The following TCHP variants were observed in gnomAD, a reference collection of about 807,000 sequenced individuals.
The protein encoded by TCHP is trichoplein keratin filament binding.
Under a neutral mutation model 88.7 loss-of-function variants are expected in TCHP, and 81 were observed. That is an observed-to-expected ratio of 0.91 (90% CI 0.76 to 1.10). The LOEUF is 1.10. Among genes scored for constraint, TCHP ranks in the 50% least tolerant of loss-of-function variants. The pLI, the probability that TCHP is intolerant of heterozygous loss-of-function variation, is 0.00. For missense variants in TCHP, 641 were observed against 632.1 expected (o/e 1.01, Z -0.15); for synonymous variants, 232 against 232.5 (o/e 1.00, Z 0.02).
intron 10 of TCHP, among the ~76,000 whole-genome samples, chr12:109,913,580 G>A (rs962792790): frequency 6.6e-6 from 1 of 152,166 alleles, no homozygotes; most frequent in East Asian, 1.9e-4. Flanking sequence ...TTCCCCCCTC[G>A]GGGTAGATGA....
At position 109,909,952 on chromosome 12, in the gene TCHP, C is replaced by T. The variant is rs144616130; in HGVS notation, c.879+1015C>T. On this transcript the variant is annotated intron_variant, in intron 8 of 12. Coordinates refer to ENST00000405876, the MANE Select transcript of TCHP (RefSeq NM_001143852.2). ...TGCACTCAAGCCTGGGGGACAAGAG[C>T]GAGACTTCTCTCAAAACAAGAACAA... Among the ~76,000 whole-genome samples, 98 of 151,802 alleles carry T rather than the reference C, an allele frequency of 6.5e-4. 1 individual carries two copies. The East Asian group carries it at 0.018, about 28-fold the overall frequency.
chr12:109,906,608 T>A lies in TCHP; in HGVS notation c.493T>A (p.Ser165Thr). Residue 165 changes from serine (S) to threonine (T), a missense_variant, in exon 5 of 13, where the codon TCT becomes ACT. By Grantham distance (58) the Ser-to-Thr change is moderately conservative. Coordinates refer to ENST00000405876, the MANE Select transcript of TCHP (RefSeq NM_001143852.2). Reference sequence around the variant, plus strand: ...CCTTCACCAGAAGCATGTCGTAAACTCTTGGGAAATGCAGAAAGAAGAAAA... The same window carrying A: ...CCTTCACCAGAAGCATGTCGTAAACACTTGGGAAATGCAGAAAGAAGAAAA... ...LDLHQKHVVN[S>T]WEMQKEEKKQ... 1 of 1,611,694 alleles carries A rather than the reference T, an allele frequency of 6.2e-7. No homozygotes were observed. Among genetic ancestry groups the A allele is most frequent in the Non-Finnish European group, 8.5e-7 (1 of 1,179,910 alleles).
chr12:109,886,063 A>G, the TCHP span, among the ~76,000 whole-genome samples: 1 of 152,092 alleles, frequency 6.6e-6, no homozygotes, highest in African/African-American at 2.4e-5. Flanking sequence ...ATATCTCATC[A>G]CTCATAAAAC....
rs555913577 is a variant in TCHP, at chr12:109,908,738, G to T, written c.812+40G>T. The T allele has an allele frequency of 2.2e-4, 338 of 1,566,866 alleles. No individual in the cohort carries two copies. The South Asian group carries it at 3.5e-3, about 16-fold the overall frequency. ...GGCCCCCCACTCTTCCCAGGCGGGT[G>T]GGCCTCTTGCTTTTTCAGACTTGCA... On this transcript the variant is annotated intron_variant, in intron 7 of 12. Coordinates refer to ENST00000405876, the MANE Select transcript of TCHP (RefSeq NM_001143852.2).
chr12:109,912,901 G>A (rs1870585697), intron 9 of TCHP, 90 bp from the exon 10 acceptor site: 1 of 997,528 alleles, frequency 1.0e-6, no homozygotes, highest in South Asian at 1.3e-5. Context: ...TCCTGCAGAA[G>A]CCATGTGCCC....
chr12:109,901,524 A>G (rs1399537323), intron 1 of TCHP, among the ~76,000 whole-genome samples: 4 of 152,188 alleles, frequency 2.6e-5, no homozygotes, highest in East Asian at 3.8e-4. Context: ...AAAGAGTCCA[A>G]TTAACTGATA....
In TCHP at chr12:109,904,726, T is replaced by G. The variant is rs767430453; in HGVS notation, c.400-11T>G. On this transcript the variant is annotated splice_polypyrimidine_tract_variant and intron_variant, in intron 3 of 12. Transcript: ENST00000405876. ...TGACATCAGGCTTTCCATTTTGTGT[T>G]TTCTTGATAGATTGCTGAACAACTT... The G allele has an allele frequency of 1.9e-6, 3 of 1,609,338 alleles. No individual in the cohort carries two copies. In the Admixed American group the frequency reaches 5.1e-5, roughly 27 times the overall value.
Position 109,903,083 on chromosome 12 carries a change from G to A in TCHP, c.57G>A (p.Gln19=), listed in dbSNP as rs1436537926. Residue 19 remains glutamine, a synonymous_variant, in exon 2 of 13, where the codon CAG becomes CAA. Transcript: ENST00000405876. This position sits in a 1 kb window ranked among gnomAD's most constrained non-coding sequence, Gnocchi z 4.6. ...YWCSQQRLNQ[Q]LARQREQEAR... Reference sequence around the variant, plus strand: ...GCAGCCAGCAGCGCCTGAATCAGCAGCTAGCACGACAGCGAGAGCAGGAGG... The same window carrying A: ...GCAGCCAGCAGCGCCTGAATCAGCAACTAGCACGACAGCGAGAGCAGGAGG... 2 of 1,613,872 alleles carry A rather than the reference G, an allele frequency of 1.2e-6. No homozygotes were observed. Among genetic ancestry groups the A allele is most frequent in the East Asian group, 4.5e-5 (2 of 44,880 alleles).
At chr12:109,896,379 T>C (rs1433753729), upstream of TCHP, among the ~76,000 whole-genome samples, 3 of 151,992 alleles carry the variant, frequency 2.0e-5, no homozygotes, top group East Asian at 1.9e-4. Flanking sequence ...CTCAAGAGAG[T>C]TGATTCACCT....
chr12:109,913,032 G>T lies in TCHP; in HGVS notation c.1094G>T (p.Trp365Leu). ...ATGTGGGAAAAGAGAGAGGCAGAGT[G>T]GGCCCGAGAGCGCAGCGCACGGGAC... ...KEMWEKREAE[W>L]ARERSARDRL... Residue 365 changes from tryptophan to leucine, a missense_variant, in exon 10 of 13, where the codon TGG becomes TTG. Physicochemically the swap from Trp to Leu is moderately conservative, Grantham distance 61 (BLOSUM62 -2). Coordinates refer to ENST00000405876, the MANE Select transcript of TCHP (RefSeq NM_001143852.2). The T allele has an allele frequency of 6.2e-7, 1 of 1,613,972 alleles. No individual in the cohort carries two copies.
upstream of TCHP, among the ~76,000 whole-genome samples, chr12:109,898,813 G>T (rs567752201): frequency 1.0e-3 from 153 of 152,126 alleles, 1 homozygote; most frequent in African/African-American, 3.4e-3. Flanking sequence ...ATTTATTTAT[G>T]TATTCATTTA....
chr12:109,916,257 G>A (rs1870811727), intron 12 of TCHP, among the ~76,000 whole-genome samples: 1 of 152,200 alleles, frequency 6.6e-6, no homozygotes, highest in South Asian at 2.1e-4. Context: ...AACATAATTA[G>A]AGCAGGTGCT....
intron 11 of TCHP, 37 bp from the exon 12 acceptor site, chr12:109,915,366 C>T: frequency 6.2e-7 from 1 of 1,613,902 alleles, no homozygotes; most frequent in Non-Finnish European, 8.5e-7. Context: ...CCCTGTGGGC[C>T]TTGTCTTGGG....
rs1870863627 is a variant in TCHP, at chr12:109,917,138, A to G, written c.*515A>G. The G allele has an allele frequency of 1.3e-5, 2 of 152,448 alleles. No homozygotes were observed. The highest frequency in any genetic ancestry group is 2.9e-5 in the Non-Finnish European group (2 of 68,188). The allele number at this position is 152,448 out of a possible 1,614,324, so 9.4% of individuals were successfully genotyped here. ...TGGTCCCAAAAGTATTACATCTTTTATATTCTGGAAGAAAAGAACTGTGAA... is the reference window on the plus strand; with the variant it reads ...TGGTCCCAAAAGTATTACATCTTTTGTATTCTGGAAGAAAAGAACTGTGAA... On this transcript the variant is annotated 3_prime_UTR_variant, in exon 13 of 13. Transcript: ENST00000405876.
At chr12:109,908,809 T>C (rs921405515) in intron 7 of TCHP, 62 bp from the exon 8 acceptor site, 10 of 1,583,802 alleles carry the variant, frequency 6.3e-6, no homozygotes, top group Non-Finnish European at 8.7e-6. Context: ...TCAGCAGTTA[T>C]CTAACTTCTA....
At chr12:109,910,379 C>T (rs1870417843) in intron 8 of TCHP, among the ~76,000 whole-genome samples, 1 of 152,122 alleles carries the variant, frequency 6.6e-6, no homozygotes, top group Non-Finnish European at 1.5e-5. Context: ...TGCAATGGCG[C>T]AATCACGGCT....
At chr12:109,883,199 A>AT in the TCHP span, among the ~76,000 whole-genome samples, 36,472 of 127,610 alleles carry the variant, frequency 0.29, 5,046 homozygotes, top group Admixed American at 0.36. Context: ...ATGCTACCCT[A>AT]TTTTTTTTTT....
upstream of TCHP, among the ~76,000 whole-genome samples, chr12:109,899,443 T>C (rs1202551756): frequency 6.6e-6 from 1 of 152,002 alleles, no homozygotes. Context: ...ATCGAGACCA[T>C]CCTGACCAAT....
chr12:109,911,023 C>G, intron 8 of TCHP, 40 bp from the exon 9 acceptor site: 1 of 1,479,284 alleles, frequency 6.8e-7, no homozygotes, highest in Non-Finnish European at 9.0e-7. Flanking sequence ...CAGAAGGACT[C>G]TGTCCAGCCC....
Sources: allele counts gnomAD v4.1 joint callset (sites outside exome capture counted in the v4.1 genomes callset), GRCh38; gene constraint gnomAD v4.1.1; non-coding constraint Gnocchi (gnomAD v3.1); transcripts MANE v1.5; gene names NCBI Gene and HGNC (gene_info 2026-07-23, HGNC 2026-07-21).